The following ADGRL2 variants were observed in gnomAD, a reference collection of about 807,000 sequenced individuals.
ADGRL2 encodes the protein adhesion G protein-coupled receptor L2.
A neutral mutation model predicts 157.4 loss-of-function variants in ADGRL2; 44 were observed. The observed-to-expected ratio is 0.28, with a 90% CI of 0.22 to 0.36. The LOEUF is 0.36. Among genes scored for constraint, ADGRL2 ranks in the 10% least tolerant of loss-of-function variants. ADGRL2 has a pLI of 1.00. For synonymous variants in ADGRL2, 585 were observed against 624.7 expected (o/e 0.94, Z 0.95); for missense variants, 1,510 against 1,768.9 (o/e 0.85, Z 2.63).
intron 1 of ADGRL2, among the ~76,000 whole-genome samples, chr1:81,826,783 T>C (rs569002502): frequency 6.6e-6 from 1 of 152,264 alleles, no homozygotes; most frequent in African/African-American, 2.4e-5. Flanking sequence ...CATTTTAAAA[T>C]TTCATTTACA....
At chr1:81,391,382 A>G (rs1334840474) in intron 1 of ADGRL2, among the ~76,000 whole-genome samples, 1 of 152,304 alleles carries the variant, frequency 6.6e-6, no homozygotes, top group Non-Finnish European at 1.5e-5. Flanking sequence ...CACTGAAAAT[A>G]TGAACTAGAG....
At position 81,993,089 on chromosome 1, in the gene ADGRL2, T is replaced by A. The variant is rs372149033; in HGVS notation, c.*1944T>A. ...TATATATATATATATATATATATATTTTTTTTTTTTTTTTTTTTTTTTTTT... is the reference window on the plus strand; with the variant it reads ...TATATATATATATATATATATATATATTTTTTTTTTTTTTTTTTTTTTTTT... On this transcript the variant is annotated 3_prime_UTR_variant, in exon 24 of 24. Coordinates refer to ENST00000686636, the MANE Select transcript of ADGRL2 (RefSeq NM_001366006.2). Among the ~76,000 whole-genome samples the A allele has an allele frequency of 8.3e-3, 176 of 21,202 alleles. No individual in the cohort carries two copies. Among genetic ancestry groups the A allele is most frequent in the African/African-American group, 0.015 (58 of 3,846 alleles). The allele number at this position is 21,202 out of a possible 152,430, so 13.9% of individuals were successfully genotyped here.
chr1:81,934,379 A>G (rs1448605357), intron 3 of ADGRL2, among the ~76,000 whole-genome samples: 1 of 152,078 alleles, frequency 6.6e-6, no homozygotes, highest in Non-Finnish European at 1.5e-5. Context: ...ATTGAGAAAC[A>G]TACAGTAAAA....
chr1:81,856,783 T>C (rs1396755726), intron 2 of ADGRL2, among the ~76,000 whole-genome samples: 1 of 152,072 alleles, frequency 6.6e-6, no homozygotes, highest in Non-Finnish European at 1.5e-5. Flanking sequence ...CATGCTTATT[T>C]GTAGGGCATA....
chr1:81,381,540 T>C (rs2076344835), intron 1 of ADGRL2, among the ~76,000 whole-genome samples: 1 of 152,004 alleles, frequency 6.6e-6, no homozygotes, highest in Non-Finnish European at 1.5e-5. Flanking sequence ...TCCACTGCAC[T>C]CCAGCCTTGG....
At chr1:81,756,317 A>ATCAT (rs5775637) in intron 1 of ADGRL2, among the ~76,000 whole-genome samples, 2,351 of 151,260 alleles carry the variant, frequency 0.016, 13 homozygotes, top group Non-Finnish European at 0.019. Context: ...TTCTTCTTTT[A>ATCAT]TCATTCATTC....
chr1:81,396,592 G>C (rs149022575), intron 1 of ADGRL2, among the ~76,000 whole-genome samples: 5 of 152,230 alleles, frequency 3.3e-5, no homozygotes, highest in Admixed American at 2.0e-4. Flanking sequence ...TAGAGAAAAA[G>C]CTTTCAGCTT....
intron 2 of ADGRL2, among the ~76,000 whole-genome samples, chr1:81,518,667 G>A (rs1032880181): frequency 6.6e-6 from 1 of 152,070 alleles, no homozygotes; most frequent in African/African-American, 2.4e-5. Flanking sequence ...TAACTTCTCT[G>A]TGCCTCAGTT....
At chr1:81,426,975 A>G (rs2101588753) in intron 1 of ADGRL2, 3 of 821,262 alleles carry the variant, frequency 3.7e-6, no homozygotes, top group East Asian at 2.5e-5. Flanking sequence ...GCAACTTTTG[A>G]TGATCACGAT....
At chr1:81,784,727 C>CAAA (rs375897514) in intron 2 of ADGRL2, among the ~76,000 whole-genome samples, 16,097 of 109,942 alleles carry the variant, frequency 0.15, 1,294 homozygotes, top group African/African-American at 0.2. Flanking sequence ...GACCCCGTCT[C>CAAA]AAAAAAAAAA....
chr1:81,425,649 G>A (rs2077199180), intron 1 of ADGRL2, among the ~76,000 whole-genome samples: 1 of 152,168 alleles, frequency 6.6e-6, no homozygotes, highest in Non-Finnish European at 1.5e-5. Context: ...ACTACAGGCA[G>A]AGATCTGGGA....
intron 1 of ADGRL2, among the ~76,000 whole-genome samples, chr1:81,373,751 T>A (rs1439491793): frequency 6.6e-6 from 1 of 152,202 alleles, no homozygotes; most frequent in African/African-American, 2.4e-5. Context: ...CTTCATTACT[T>A]AACCTTAAAT....
chr1:81,647,399 C>T (rs943481705), intron 3 of ADGRL2, among the ~76,000 whole-genome samples: 20 of 152,148 alleles, frequency 1.3e-4, no homozygotes, highest in Non-Finnish European at 2.6e-4. Flanking sequence ...AAATCTGGAA[C>T]TTTTTGAGCC....
chr1:81,704,836 A>T (rs2083681395), intron 1 of ADGRL2, among the ~76,000 whole-genome samples: 1 of 152,220 alleles, frequency 6.6e-6, no homozygotes, highest in Admixed American at 6.5e-5. Context: ...CCTTTTACTT[A>T]AGGAATTCAT....
chr1:81,878,813 T>A (rs1291333618), intron 2 of ADGRL2, among the ~76,000 whole-genome samples: 4 of 152,216 alleles, frequency 2.6e-5, no homozygotes, highest in Non-Finnish European at 5.9e-5. Context: ...TTTATAGTCT[T>A]GTCTTGAACA....
intron 3 of ADGRL2, among the ~76,000 whole-genome samples, chr1:81,683,819 C>CT (rs985895397): frequency 1.4e-4 from 21 of 148,650 alleles, no homozygotes; most frequent in South Asian, 4.3e-4. Flanking sequence ...ATAATGAGTT[C>CT]TTTTTTTTTT....
chr1:81,677,771 C>A (rs1454137192), intron 3 of ADGRL2, among the ~76,000 whole-genome samples: 3 of 152,154 alleles, frequency 2.0e-5, no homozygotes, highest in African/African-American at 7.2e-5. Flanking sequence ...GTTGAATTAT[C>A]TTTCTAGAGG....
At chr1:81,308,843 T>C (rs541745035) in intron 1 of ADGRL2, among the ~76,000 whole-genome samples, 1 of 152,314 alleles carries the variant, frequency 6.6e-6, no homozygotes, top group East Asian at 1.9e-4. Flanking sequence ...TTCTTTTGCC[T>C]CATCTGTAAA....
chr1:81,349,198 G>A (rs913619550), intron 1 of ADGRL2, among the ~76,000 whole-genome samples: 2 of 152,166 alleles, frequency 1.3e-5, no homozygotes, highest in Non-Finnish European at 2.9e-5. Flanking sequence ...CCGTGTTGGG[G>A]ATATTGGCAC....
Sources: allele counts gnomAD v4.1 joint callset (sites outside exome capture counted in the v4.1 genomes callset), GRCh38; gene constraint gnomAD v4.1.1; transcripts MANE v1.5; gene names NCBI Gene and HGNC (gene_info 2026-07-23, HGNC 2026-07-21).